APPL2: variants seen among roughly 807,000 people sequenced by gnomAD.
APPL2 encodes DCC-interacting protein 13-beta.
A neutral mutation model predicts 92.7 loss-of-function variants in APPL2; 84 were observed. The observed-to-expected ratio is 0.91, with a 90% CI of 0.76 to 1.09. The LOEUF (loss-of-function observed/expected upper bound fraction) is 1.09. APPL2 is among the 50% of genes least tolerant of loss of function. The pLI, the probability that APPL2 is intolerant of heterozygous loss-of-function variation, is 0.00. For missense variants in APPL2, 736 were observed against 824.5 expected (o/e 0.89, Z 1.31); for synonymous variants, 291 against 291.0 (o/e 1.00, Z 0.00).
At position 105,204,828 on chromosome 12, in the gene APPL2, G is replaced by A. The variant is rs148315047; in HGVS notation, c.622-1043C>T. ...CACATAATCCCTAAGAAAAGTGGGC[G>A]AATGGATGAACGGAAGGCAGGTAAG... On this transcript the variant is annotated intron_variant, in intron 8 of 20. Transcript: ENST00000258530. Among the ~76,000 whole-genome samples, 552 of 152,248 alleles carry A rather than the reference G, an allele frequency of 3.6e-3. 9 individuals are homozygous for A. The highest frequency in any genetic ancestry group is 0.028 in the Admixed American group (424 of 15,290).
At chr12:105,189,969 G>A (rs73179996) in intron 15 of APPL2, 22 bp downstream of exon 15, 164,487 of 1,612,388 alleles carry the variant, frequency 0.1, 9,532 homozygotes, top group African/African-American at 0.22. Flanking sequence ...TTCTCCCAGA[G>A]ATAACCTCTC....
chr12:105,219,816 G>A (rs573650881), intron 2 of APPL2, among the ~76,000 whole-genome samples: 8 of 152,292 alleles, frequency 5.3e-5, no homozygotes, highest in East Asian at 3.9e-4. Flanking sequence ...TGAAAATCTC[G>A]TGCTCCTTCT....
chr12:105,235,266 T>A (rs1447077230), intron 1 of APPL2: 2 of 152,198 alleles, frequency 1.3e-5, no homozygotes, highest in Non-Finnish European at 2.9e-5. Context: ...TTTGCTATAT[T>A]TACACACCAG....
At chr12:105,186,058 C>T (rs1886577687) in intron 17 of APPL2, among the ~76,000 whole-genome samples, 1 of 152,162 alleles carries the variant, frequency 6.6e-6, no homozygotes, top group Non-Finnish European at 1.5e-5. Context: ...GCTTCTTTCA[C>T]TTAGCACAAT....
At position 105,174,145 on chromosome 12, in the gene APPL2, A is replaced by G; in HGVS notation, c.*169T>C. 1.3e-6 allele frequency: 1 copy of G among 775,256 alleles called. No individual in the cohort carries two copies. The highest frequency in any genetic ancestry group is 1.9e-6 in the Non-Finnish European group (1 of 514,696). The allele number at this position is 775,256 out of a possible 1,614,324, so 48.0% of individuals were successfully genotyped here. A position where few individuals can be genotyped will look rare whatever the true frequency, so the allele number is the denominator to read the frequency against. On this transcript the variant is annotated 3_prime_UTR_variant, in exon 21 of 21. Coordinates refer to ENST00000258530, the MANE Select transcript of APPL2 (RefSeq NM_018171.5). ...TAGATGGGTGGGAACGCTGTCAACC[A>G]TTTCTTAGTTTCCCTCCCAAGTCTC...
chr12:105,181,185 A>C (rs1886078070), intron 17 of APPL2, among the ~76,000 whole-genome samples: 1 of 152,128 alleles, frequency 6.6e-6, no homozygotes, highest in Non-Finnish European at 1.5e-5. Context: ...GTTGAATTTT[A>C]TCGAAGGCCT....
chr12:105,195,229 CA>C (rs774837672), intron 14 of APPL2, 31 bp downstream of exon 14: 1 of 1,608,620 alleles, frequency 6.2e-7, no homozygotes, highest in African/African-American at 1.3e-5. Flanking sequence ...TTTGGCTCCA[CA>C]AAAGCTAGTT....
At chr12:105,231,743 T>C (rs1262670722) in intron 1 of APPL2, among the ~76,000 whole-genome samples, 1 of 152,188 alleles carries the variant, frequency 6.6e-6, no homozygotes, top group Non-Finnish European at 1.5e-5. Flanking sequence ...CCTTTTTCCT[T>C]ATATCGTGGA....
At chr12:105,201,329 G>A (rs536282291) in intron 9 of APPL2, among the ~76,000 whole-genome samples, 1 of 152,262 alleles carries the variant, frequency 6.6e-6, no homozygotes, top group Admixed American at 6.5e-5. Context: ...CATTAGCTTC[G>A]CCTGCTTGTC....
chr12:105,214,303 A>T (rs1161797596), intron 4 of APPL2, among the ~76,000 whole-genome samples: 2 of 152,234 alleles, frequency 1.3e-5, no homozygotes, highest in Admixed American at 1.3e-4. Flanking sequence ...TTTAAACTGG[A>T]AATCTTGCTT....
intron 5 of APPL2, 86 bp downstream of exon 5, chr12:105,211,144 A>G: frequency 3.1e-6 from 3 of 961,328 alleles, no homozygotes; most frequent in East Asian, 2.5e-5. Flanking sequence ...AGCGATCCAC[A>G]CATTGAAAGA....
chr12:105,187,572 T>C (rs1886840124), intron 17 of APPL2, among the ~76,000 whole-genome samples: 2 of 152,204 alleles, frequency 1.3e-5, no homozygotes, highest in Non-Finnish European at 2.9e-5. Flanking sequence ...AAGCCTTATA[T>C]GTCATCGAAG....
chr12:105,214,536 G>T (rs1319646319), intron 4 of APPL2, among the ~76,000 whole-genome samples: 1 of 152,230 alleles, frequency 6.6e-6, no homozygotes, highest in Non-Finnish European at 1.5e-5. Context: ...GCCACGCAGT[G>T]CATGTGATAT....
intron 9 of APPL2, among the ~76,000 whole-genome samples, chr12:105,200,805 G>C (rs553416476): frequency 6.6e-6 from 1 of 151,986 alleles, no homozygotes; most frequent in African/African-American, 2.4e-5. Flanking sequence ...GTTGGGCTTG[G>C]ACATTCCATA....
At chr12:105,213,070 T>C (rs1001207389) in intron 4 of APPL2, among the ~76,000 whole-genome samples, 5 of 152,246 alleles carry the variant, frequency 3.3e-5, no homozygotes, top group Non-Finnish European at 7.3e-5. Flanking sequence ...GGCTCTGTGC[T>C]TGACGCTTTG....
chr12:105,232,948 G>A (rs1566106236), intron 1 of APPL2: 2 of 336,936 alleles, frequency 5.9e-6, no homozygotes, highest in Non-Finnish European at 8.4e-6. Context: ...GCTCCCAGCC[G>A]GGCCACTCAA....
Position 105,177,379 on chromosome 12 carries a change from A to G in APPL2, c.1635-117T>C, listed in dbSNP as rs1439035054. The G allele has an allele frequency of 6.3e-6, 7 of 1,119,480 alleles. No homozygotes were observed. In the East Asian group the frequency reaches 1.7e-4, roughly 28 times the overall value. The allele number at this position is 1,119,480 out of a possible 1,614,324, so 69.3% of individuals were successfully genotyped here. A position where few individuals can be genotyped will look rare whatever the true frequency, so the allele number is the denominator to read the frequency against. ...CCCCGAAATAGAGATAAAGCCTGTT[A>G]GAGGGTGAGGCGAGATAGCTGTGTG... is the stretch of plus-strand genomic sequence containing the variant. On this transcript the variant is annotated intron_variant, in intron 17 of 20. Coordinates refer to ENST00000258530, the MANE Select transcript of APPL2 (RefSeq NM_018171.5).
At chr12:105,195,736 G>A in intron 11 of APPL2, 109 bp from the exon 12 acceptor site, 4 of 1,236,784 alleles carry the variant, frequency 3.2e-6, no homozygotes, top group African/African-American at 1.5e-5. Flanking sequence ...GTGCCATGAA[G>A]GCAGCATGAT....
intron 17 of APPL2, among the ~76,000 whole-genome samples, chr12:105,186,644 T>TCATATA (rs1566056140): frequency 1.1e-4 from 7 of 62,420 alleles, no homozygotes; most frequent in Admixed American, 2.0e-4. Flanking sequence ...ATCATATATA[T>TCATATA]GATATCGATA....
Sources: allele counts gnomAD v4.1 joint callset (sites outside exome capture counted in the v4.1 genomes callset), GRCh38; gene constraint gnomAD v4.1.1; transcripts MANE v1.5; gene names NCBI Gene and HGNC (gene_info 2026-07-23, HGNC 2026-07-21).